The following STARD9 variants were observed in gnomAD, a reference collection of about 807,000 sequenced individuals.
The protein encoded by STARD9 is stAR-related lipid transfer protein 9.
In STARD9, 346 loss-of-function variants were observed where a neutral mutation model predicts 399.8. The observed-to-expected ratio is 0.87, with a 90% CI of 0.79 to 0.95. The LOEUF is 0.95. STARD9 is among the 40% of genes least tolerant of loss of function. The pLI, the probability that STARD9 is intolerant of heterozygous loss-of-function variation, is 0.00. For synonymous variants in STARD9, 2,203 were observed against 2,143.5 expected (o/e 1.03, Z -0.77); for missense variants, 5,832 against 5,667.5 (o/e 1.03, Z -0.93).
At position 42,687,785 on chromosome 15, in the gene STARD9, T is replaced by C; in HGVS notation, c.6207T>C (p.Asn2069=). 1 of 1,537,442 alleles carries C rather than the reference T, an allele frequency of 6.5e-7. No homozygotes were observed. Among genetic ancestry groups the C allele is most frequent in the South Asian group, 1.2e-5 (1 of 84,054 alleles). ...TCTTAGAAATTGAATCTAAGCAGAA[T>C]AAGCAGGTTCATGCTTCCCACACAC... ...NGILEIESKQ[N]KQVHASHTPG... Residue 2069 remains asparagine (N), a synonymous_variant, in exon 23 of 33, where the codon AAT becomes AAC. Transcript: ENST00000290607.
intron 3 of STARD9, among the ~76,000 whole-genome samples, chr15:42,622,859 A>G (rs1047631575): frequency 2.0e-5 from 3 of 152,118 alleles, no homozygotes; most frequent in African/African-American, 2.4e-5. Context: ...CCTGGGGTCA[A>G]CCTCACTGAA....
chr15:42,589,027 C>T (rs2058343297), intron 3 of STARD9, among the ~76,000 whole-genome samples: 1 of 151,876 alleles, frequency 6.6e-6, no homozygotes, highest in South Asian at 2.1e-4. Flanking sequence ...GTTGGCTAGG[C>T]TGGTCTCGAA....
chr15:42,587,299 A>T (rs2058295683), intron 3 of STARD9, among the ~76,000 whole-genome samples: 1 of 152,208 alleles, frequency 6.6e-6, no homozygotes, highest in Non-Finnish European at 1.5e-5. Flanking sequence ...TTCTAAATTT[A>T]AATATTTCTA....
intron 3 of STARD9, among the ~76,000 whole-genome samples, chr15:42,621,768 A>G (rs944961543): frequency 2.0e-5 from 3 of 152,214 alleles, no homozygotes; most frequent in Non-Finnish European, 1.5e-5. Flanking sequence ...GCAAGGAGAC[A>G]GCTTTAGGCT....
rs532757004 is a variant in STARD9 at position 42,669,631 on chromosome 15, A to G, written c.1497+294A>G. Reference sequence around the variant, plus strand: ...TGCCTTAATTTCCTCATTTTAAAGTAAGAATGATGCTTATCATATTCCTTT... The same window carrying G: ...TGCCTTAATTTCCTCATTTTAAAGTGAGAATGATGCTTATCATATTCCTTT... On this transcript the variant is annotated intron_variant, in intron 16 of 32. Transcript: ENST00000290607. 5.9e-5 allele frequency: 16 copies of G among 272,720 alleles called. No individual in the cohort carries two copies. In the South Asian group the frequency reaches 1.3e-3, roughly 22 times the overall value. 16.9% of individuals were successfully genotyped at this position (272,720 alleles called of 1,614,324 possible).
rs116719583 is a variant in STARD9 at position 42,645,267 on chromosome 15, T to G, written c.560-5749T>G. 7.3e-3 allele frequency among the ~76,000 whole-genome samples: 1,105 copies of G among 152,346 alleles called. 20 individuals are homozygous for G. Among genetic ancestry groups the G allele is most frequent in the African/African-American group, 0.025 (1,039 of 41,582 alleles). ...ACAACTATAGCTTTATGAAATGTATTTCTTAAATTATCAGACTTCAAAGTT... is the reference window on the plus strand; with the variant it reads ...ACAACTATAGCTTTATGAAATGTATGTCTTAAATTATCAGACTTCAAAGTT... On this transcript the variant is annotated intron_variant, in intron 7 of 32. Transcript: ENST00000290607.
Position 42,692,768 on chromosome 15 carries a change from C to T in STARD9, c.11190C>T (p.Thr3730=). 5 of 1,537,148 alleles carry T rather than the reference C, an allele frequency of 3.3e-6. No individual in the cohort carries two copies. In the South Asian group the frequency reaches 5.9e-5, roughly 18 times the overall value. Residue 3730 remains threonine (T), a synonymous_variant, in exon 23 of 33, where the codon ACC becomes ACT. Coordinates refer to ENST00000290607, the MANE Select transcript of STARD9 (RefSeq NM_020759.3). ...TGATGATGGATGGCTCTACTCAGAC[C>T]ACTGTGGATGAGGGCAGCCAGACTG... is the stretch of plus-strand genomic sequence containing the variant. ...QALMMDGSTQ[T]TVDEGSQTDL...
chr15:42,582,909 G>A (rs1178719575), intron 1 of STARD9, among the ~76,000 whole-genome samples: 1 of 152,190 alleles, frequency 6.6e-6, no homozygotes, highest in East Asian at 1.9e-4. Flanking sequence ...CAGAGCCTAG[G>A]CTTCCTGGTC....
In STARD9 at chr15:42,684,280, G is replaced by A. The variant is rs768395748; in HGVS notation, c.2702G>A (p.Gly901Glu). ...RKNGLHSSGHGQPCTARAALA... is the reference protein window; with the variant it reads ...RKNGLHSSGHEQPCTARAALA... ...AACGGCCTGCATTCCTCAGGTCATGGGCAGCCCTGCACAGCCAGAGCAGCC... is the reference window on the plus strand; with the variant it reads ...AACGGCCTGCATTCCTCAGGTCATGAGCAGCCCTGCACAGCCAGAGCAGCC... The change falls in exon 23 of 33, where the codon GGG becomes GAG. Residue 901 changes from glycine (G) to glutamate (E), a missense_variant. By Grantham distance (98) the Gly-to-Glu change is moderately conservative. Around this residue, in one of 2 missense-constraint regions of STARD9, gnomAD observed 5,828 missense variants for 5,651.1 expected, o/e 1.03. Transcript: ENST00000290607. 1.8e-5 allele frequency: 28 copies of A among 1,537,176 alleles called. No homozygotes were observed. In the South Asian group the frequency reaches 3.3e-4, roughly 18 times the overall value.
Position 42,686,676 on chromosome 15 carries a change from G to C in STARD9, c.5098G>C (p.Asp1700His). ...CTACCCACTAGAGGAAGAGAAGACA[G>C]ATTGCCAGGAGAGCTCTAAGGAAGC... ...SHYPLEEEKT[D>H]CQESSKEAVR... Residue 1700 changes from aspartate to histidine, a missense_variant, in exon 23 of 33, where the codon GAT becomes CAT. Coordinates refer to ENST00000290607, the MANE Select transcript of STARD9 (RefSeq NM_020759.3). The C allele has an allele frequency of 6.5e-7, 1 of 1,537,754 alleles. No homozygotes were observed. Among genetic ancestry groups the C allele is most frequent in the Non-Finnish European group, 8.7e-7 (1 of 1,147,028 alleles).
At chr15:42,633,412 G>A (rs1404724876) in intron 3 of STARD9, among the ~76,000 whole-genome samples, 3 of 152,120 alleles carry the variant, frequency 2.0e-5, no homozygotes, top group African/African-American at 7.2e-5. Flanking sequence ...GGGCAAGAAG[G>A]CATGGGATGC....
intron 26 of STARD9, among the ~76,000 whole-genome samples, chr15:42,699,691 C>G (rs1212566727): frequency 6.6e-6 from 1 of 151,664 alleles, no homozygotes; most frequent in Non-Finnish European, 1.5e-5. Context: ...CCGTGCCTGG[C>G]TAACTTTTTT....
chr15:42,650,612 G>A lies in STARD9; in HGVS notation c.560-404G>A, dbSNP rs549159339. ...AAACTGTGGGAGGACAGAGATGAGT[G>A]TACTGTGTATTTTGTATGCCAAACC... On this transcript the variant is annotated intron_variant, in intron 7 of 32. Coordinates refer to ENST00000290607, the MANE Select transcript of STARD9 (RefSeq NM_020759.3). Among the ~76,000 whole-genome samples the A allele has an allele frequency of 1.1e-4, 17 of 152,306 alleles. 1 individual carries two copies. The highest frequency in any genetic ancestry group is 3.9e-4 in the African/African-American group (16 of 41,558).
intron 7 of STARD9, among the ~76,000 whole-genome samples, chr15:42,646,485 T>C (rs73406601): frequency 0.042 from 6,406 of 152,322 alleles, 381 homozygotes; most frequent in African/African-American, 0.14. Context: ...GCTTCTTTCC[T>C]TAAACCTCAT....
At chr15:42,678,917 G>T (rs961755728) in intron 20 of STARD9, among the ~76,000 whole-genome samples, 2 of 152,210 alleles carry the variant, frequency 1.3e-5, no homozygotes, top group South Asian at 4.1e-4. Context: ...GCGGCCTCTT[G>T]GGTGAATGTG....
chr15:42,585,518 T>C lies in STARD9; in HGVS notation c.118-3T>C. The C allele has an allele frequency of 6.5e-7, 1 of 1,534,472 alleles. No homozygotes were observed. Among genetic ancestry groups the C allele is most frequent in the East Asian group, 2.4e-5 (1 of 40,904 alleles). ...AGACACTGGATCCTATGTTTGATTT[T>C]AGGTGGACAATCGACCAGATGGCTT... On this transcript the variant is annotated splice_region_variant and splice_polypyrimidine_tract_variant and intron_variant, in intron 2 of 32. Transcript: ENST00000290607.
intron 3 of STARD9, among the ~76,000 whole-genome samples, chr15:42,598,198 A>AT (rs2058554478): frequency 1.3e-5 from 2 of 150,564 alleles, no homozygotes; most frequent in South Asian, 4.2e-4. Context: ...CGCCTGGCTA[A>AT]TTTTTTGTAT....
In STARD9 at chr15:42,685,706, C is replaced by G; in HGVS notation, c.4128C>G (p.Tyr1376Ter). 6.5e-7 allele frequency: 1 copy of G among 1,537,388 alleles called. No homozygotes were observed. The highest frequency in any genetic ancestry group is 1.2e-5 in the South Asian group (1 of 84,066). Residue 1376 changes from tyrosine (Y) to a stop codon, truncating the protein, a stop_gained, in exon 23 of 33, where the codon TAC (tyrosine) becomes TAG (stop). Transcript: ENST00000290607. LOFTEE classifies it high-confidence loss of function. ...FHSCKGERPG[Y>*]WPNTEELKPS... ...CCTGTAAGGGGGAGAGGCCTGGATA[C>G]TGGCCAAATACTGAGGAACTAAAGC...
rs2060635693 is a variant in STARD9 at position 42,689,333 on chromosome 15, A to G, written c.7755A>G (p.Glu2585=). The G allele has an allele frequency of 3.9e-6, 6 of 1,537,234 alleles. No homozygotes were observed. Among genetic ancestry groups the G allele is most frequent in the Non-Finnish European group, 5.2e-6 (6 of 1,146,912 alleles). ...LSYCETLLEP[E]CSSRVAGRPQ... is the part of the protein sequence containing the mutation. ...ACTGTGAAACTTTACTAGAACCCGA[A>G]TGTTCTTCAAGGGTTGCTGGCAGGC... is the stretch of plus-strand genomic sequence containing the variant. Residue 2585 remains glutamate, a synonymous_variant, in exon 23 of 33, where the codon GAA becomes GAG. Transcript: ENST00000290607.
Sources: gnomAD v4.1 joint callset for allele counts (sites outside exome capture counted in the v4.1 genomes callset) on GRCh38, gnomAD v4.1.1 for gene constraint, gnomAD v4.1.1 regional missense constraint, MANE v1.5 for transcripts, NCBI Gene and HGNC (gene_info 2026-07-23, HGNC 2026-07-21) for gene names.